The following PACRG variants were observed in gnomAD, a reference collection of about 807,000 sequenced individuals.
PACRG encodes parkin coregulated gene protein.
Under a neutral mutation model 29.7 loss-of-function variants are expected in PACRG, and 29 were observed. The observed-to-expected ratio is 0.98, with a 90% CI of 0.73 to 1.33. The LOEUF is 1.33. Ranked by LOEUF, PACRG falls within the 40% of genes most tolerant of loss-of-function variation. The probability of loss-of-function intolerance (pLI) is 0.00; values close to 1 mark genes in which losing one functional copy is unlikely to be tolerated. For missense variants in PACRG, 279 were observed against 316.2 expected (o/e 0.88, Z 0.89); for synonymous variants, 116 against 118.7 (o/e 0.98, Z 0.15).
At chr6:163,010,589 A>G (rs1394557580) in intron 2 of PACRG, among the ~76,000 whole-genome samples, 1 of 152,222 alleles carries the variant, frequency 6.6e-6, no homozygotes, top group Non-Finnish European at 1.5e-5. Context: ...TCATGTAGCC[A>G]GAGTCTGCCA....
At chr6:163,274,727 T>C (rs577894820) in intron 4 of PACRG, among the ~76,000 whole-genome samples, 2 of 152,318 alleles carry the variant, frequency 1.3e-5, no homozygotes, top group East Asian at 3.9e-4. Context: ...CACCGTTCTG[T>C]TGTTTTCTAT....
At chr6:163,102,598 A>G (rs529072028) in intron 4 of PACRG, among the ~76,000 whole-genome samples, 2 of 152,338 alleles carry the variant, frequency 1.3e-5, no homozygotes, top group East Asian at 3.9e-4. Flanking sequence ...GCTGCAATGT[A>G]TATGATTTTT....
chr6:162,888,016 TCC>T (rs1352236051), intron 2 of PACRG, among the ~76,000 whole-genome samples: 1 of 152,164 alleles, frequency 6.6e-6, no homozygotes, highest in East Asian at 1.9e-4. Context: ...AGGGCTACTC[TCC>T]GCTTCCAAAG....
chr6:163,132,525 G>A (rs1415515959), intron 4 of PACRG, among the ~76,000 whole-genome samples: 1 of 152,080 alleles, frequency 6.6e-6, no homozygotes, highest in African/African-American at 2.4e-5. Flanking sequence ...AGCAATTTGT[G>A]CGTGCCCTGT....
At chr6:163,209,124 T>G (rs533682228) in intron 4 of PACRG, among the ~76,000 whole-genome samples, 8 of 152,344 alleles carry the variant, frequency 5.3e-5, no homozygotes, top group African/African-American at 1.7e-4. Flanking sequence ...CTTTCCCAGT[T>G]GACTAGAAGT....
intron 4 of PACRG, among the ~76,000 whole-genome samples, chr6:163,251,155 A>G (rs1309539113): frequency 6.6e-6 from 1 of 152,020 alleles, no homozygotes; most frequent in East Asian, 1.9e-4. Context: ...TGTTGGGTGC[A>G]GTGTATACTG....
chr6:163,102,354 T>A (rs1313238394), intron 4 of PACRG, among the ~76,000 whole-genome samples: 1 of 152,156 alleles, frequency 6.6e-6, no homozygotes, highest in Non-Finnish European at 1.5e-5. Flanking sequence ...GGCTTAATGC[T>A]CTCTCTTAGC....
At chr6:162,768,988 T>A (rs958079657) in intron 1 of PACRG, among the ~76,000 whole-genome samples, 2 of 152,188 alleles carry the variant, frequency 1.3e-5, no homozygotes, top group Non-Finnish European at 2.9e-5. Context: ...ATTAACTTCC[T>A]GTGTCTTACA....
chr6:162,805,320 T>C (rs746523551), intron 1 of PACRG, among the ~76,000 whole-genome samples: 4 of 152,190 alleles, frequency 2.6e-5, no homozygotes, highest in Non-Finnish European at 4.4e-5. Flanking sequence ...TCTAATAAGG[T>C]ACAATAGCAT....
chr6:162,926,432 A>G (rs1797445842), intron 2 of PACRG, among the ~76,000 whole-genome samples: 1 of 152,164 alleles, frequency 6.6e-6, no homozygotes, highest in Admixed American at 6.5e-5. Flanking sequence ...CCAAAACAAC[A>G]TGGCACTGGT....
chr6:162,938,931 A>AT (rs1281016895), intron 2 of PACRG, among the ~76,000 whole-genome samples: 1 of 151,692 alleles, frequency 6.6e-6, no homozygotes, highest in Non-Finnish European at 1.5e-5. Flanking sequence ...GATTGTGAGG[A>AT]TTTTCTCCCA....
intron 4 of PACRG, among the ~76,000 whole-genome samples, chr6:163,238,239 T>G (rs60772011): frequency 0.11 from 16,722 of 152,244 alleles, 1,341 homozygotes; most frequent in East Asian, 0.23. Flanking sequence ...TAAATAAAAT[T>G]TATTAGCTGA....
intron 1 of PACRG, among the ~76,000 whole-genome samples, chr6:162,745,887 T>C (rs1437690870): frequency 6.6e-6 from 1 of 152,166 alleles, no homozygotes; most frequent in Non-Finnish European, 1.5e-5. Context: ...ATGAATTTGC[T>C]TCTTTTTCAA....
chr6:163,045,621 C>CTT (rs11326242), intron 2 of PACRG, among the ~76,000 whole-genome samples: 30 of 105,866 alleles, frequency 2.8e-4, no homozygotes, highest in Admixed American at 7.2e-4. Context: ...CTGCGCCCAG[C>CTT]TTTTTTTTTT....
intron 2 of PACRG, among the ~76,000 whole-genome samples, chr6:163,052,992 C>T (rs1810178335): frequency 6.6e-6 from 1 of 152,138 alleles, no homozygotes; most frequent in Non-Finnish European, 1.5e-5. Flanking sequence ...TCCAGGTATT[C>T]ACATATAATT....
chr6:163,200,382 G>A (rs1780645697), intron 4 of PACRG, among the ~76,000 whole-genome samples: 1 of 152,094 alleles, frequency 6.6e-6, no homozygotes. Context: ...CAGCACACTT[G>A]TCCCAATGTC....
chr6:163,232,817 A>G (rs527733918), intron 4 of PACRG, among the ~76,000 whole-genome samples: 1 of 151,940 alleles, frequency 6.6e-6, no homozygotes, highest in Admixed American at 6.6e-5. Flanking sequence ...CGCCTCACCT[A>G]CCCCCCAGCT....
intron 2 of PACRG, among the ~76,000 whole-genome samples, chr6:162,913,447 T>C (rs752350066): frequency 9.2e-5 from 14 of 152,242 alleles, no homozygotes; most frequent in Non-Finnish European, 1.3e-4. Flanking sequence ...ATGATTTCTC[T>C]ATTCACTTGT....
intron 1 of PACRG, among the ~76,000 whole-genome samples, chr6:162,792,648 A>G (rs142737389): frequency 5.3e-5 from 8 of 152,346 alleles, no homozygotes; most frequent in African/African-American, 1.9e-4. Context: ...AATGGATTTT[A>G]GAGAGAAAAC....
Sources: allele counts gnomAD v4.1 joint callset (sites outside exome capture counted in the v4.1 genomes callset), GRCh38; gene constraint gnomAD v4.1.1; transcripts MANE v1.5; gene names NCBI Gene and HGNC (gene_info 2026-07-23, HGNC 2026-07-21).